ANGPTL5: variants seen among roughly 807,000 people sequenced by gnomAD.
The protein encoded by ANGPTL5 is angiopoietin-related protein 5.
ANGPTL5 carries 34 observed loss-of-function variants against 39.4 expected under a neutral mutation model. That is an observed-to-expected ratio of 0.86 (90% CI 0.66 to 1.15). The LOEUF (loss-of-function observed/expected upper bound fraction) is 1.15. Ranked by LOEUF, ANGPTL5 falls within the 50% of genes most tolerant of loss-of-function variation. The probability of loss-of-function intolerance (pLI) is 0.00; values close to 1 mark genes in which losing one functional copy is unlikely to be tolerated. For synonymous variants in ANGPTL5, 146 were observed against 152.1 expected (o/e 0.96, Z 0.29); for missense variants, 467 against 457.5 (o/e 1.02, Z -0.19).
At chr11:101,905,267 T>G (rs1939978386) in intron 4 of ANGPTL5, among the ~76,000 whole-genome samples, 1 of 152,184 alleles carries the variant, frequency 6.6e-6, no homozygotes, top group African/African-American at 2.4e-5. Context: ...AACACTACAG[T>G]GGCTCCTTGG....
chr11:101,901,554 A>G (rs527734267), intron 6 of ANGPTL5, among the ~76,000 whole-genome samples: 4 of 152,236 alleles, frequency 2.6e-5, no homozygotes, highest in South Asian at 2.1e-4. Context: ...TCCCTCAGAA[A>G]CTTCCCGCAT....
chr11:101,912,170 T>C (rs1448794215), intron 1 of ANGPTL5, among the ~76,000 whole-genome samples: 6 of 152,248 alleles, frequency 3.9e-5, no homozygotes, highest in Non-Finnish European at 7.3e-5. Context: ...TGGAAAGTGC[T>C]TGGCACATAG....
chr11:101,915,307 C>T, intron 1 of ANGPTL5: 1 of 1,613,640 alleles, frequency 6.2e-7, no homozygotes, highest in Non-Finnish European at 8.5e-7. Flanking sequence ...AGGCCCGGAA[C>T]CCGGAGCGCG....
At chr11:101,901,856 T>C (rs557408428) in intron 6 of ANGPTL5, among the ~76,000 whole-genome samples, 1 of 152,068 alleles carries the variant, frequency 6.6e-6, no homozygotes, top group South Asian at 2.1e-4. Context: ...TATTATCCAA[T>C]AAAGACTATC....
intron 1 of ANGPTL5, among the ~76,000 whole-genome samples, chr11:101,909,291 A>G (rs1320541424): frequency 6.6e-6 from 1 of 152,228 alleles, no homozygotes; most frequent in Non-Finnish European, 1.5e-5. Context: ...GTGAGACAGT[A>G]TGAGATGGTT....
rs1477874656 is a variant in ANGPTL5 at position 101,907,893 on chromosome 11, T to C, written c.17A>G (p.Gln6Arg). The change falls in exon 2 of 9, where the codon CAA (glutamine) becomes CGA (arginine). Residue 6 changes from glutamine to arginine, a missense_variant. Coordinates refer to ENST00000334289, the MANE Select transcript of ANGPTL5 (RefSeq NM_178127.5). The stretch of plus-strand genomic sequence containing the variant: ...TACATTTAAGAATAAGAGTGAGGCT[T>C]GGGATGGAGACATCATATTTTTCTT... Reference protein sequence around the residue: MMSPSQASLLFLNVCI... With the variant: MMSPSRASLLFLNVCI... 6.2e-7 allele frequency: 1 copy of C among 1,607,706 alleles called. No individual in the cohort carries two copies. Among genetic ancestry groups the C allele is most frequent in the Non-Finnish European group, 8.5e-7 (1 of 1,174,452 alleles).
chr11:101,897,779 C>T (rs1373085563), intron 7 of ANGPTL5, among the ~76,000 whole-genome samples: 2 of 152,124 alleles, frequency 1.3e-5, no homozygotes, highest in African/African-American at 2.4e-5. Flanking sequence ...AGTTTGAAGT[C>T]AGGTAGCATG....
At position 101,891,467 on chromosome 11, in the gene ANGPTL5, G is replaced by A. The variant is rs774206452; in HGVS notation, c.979C>T (p.Leu327Phe). 6.8e-6 allele frequency: 11 copies of A among 1,613,938 alleles called. No individual in the cohort carries two copies. The highest frequency in any genetic ancestry group is 9.3e-6 in the Non-Finnish European group (11 of 1,180,006). Residue 327 changes from leucine to phenylalanine, a missense_variant, in exon 9 of 9, where the codon CTC becomes TTC. By Grantham distance (22) the Leu-to-Phe change is conservative. Coordinates refer to ENST00000334289, the MANE Select transcript of ANGPTL5 (RefSeq NM_178127.5). ...NGQSVKSCSH[L>F]HNKTGWWFNE... ...AACCACCAGCCGGTCTTGTTATGGA[G>A]GTGACTGCAGCTCTTCACAGACTGA... is the stretch of plus-strand genomic sequence containing the variant.
intron 7 of ANGPTL5, among the ~76,000 whole-genome samples, chr11:101,897,261 T>C (rs1278461783): frequency 6.6e-6 from 1 of 152,242 alleles, no homozygotes; most frequent in Non-Finnish European, 1.5e-5. Flanking sequence ...ATTAGCCCTT[T>C]GCCAGAAGGA....
Position 101,905,841 on chromosome 11 carries a change from A to G in ANGPTL5, c.248T>C (p.Leu83Ser). ...TGTGTAGGAAACAATAGAATTTTGCAAATTTCCTTAACCATAATAAAAAGT... is the reference window on the plus strand; with the variant it reads ...TGTGTAGGAAACAATAGAATTTTGCGAATTTCCTTAACCATAATAAAAAGT... ...REEKHFMCRN[L>S]QNSIVSYTRS... Residue 83 changes from leucine to serine, a missense_variant, in exon 4 of 9, where the codon TTG becomes TCG. Leu to Ser is a moderately radical substitution (Grantham distance 145). Transcript: ENST00000334289. 6.3e-7 allele frequency: 1 copy of G among 1,575,098 alleles called. No individual in the cohort carries two copies. Among genetic ancestry groups the G allele is most frequent in the Admixed American group, 1.7e-5 (1 of 59,808 alleles).
At chr11:101,915,128 C>A (rs1266463754) in intron 1 of ANGPTL5, 6 of 1,128,166 alleles carry the variant, frequency 5.3e-6, no homozygotes, top group Non-Finnish European at 7.4e-6. Flanking sequence ...AGTGCCGCTG[C>A]GCGGGAGCTA....
chr11:101,915,526 C>T (rs1940190337), intron 1 of ANGPTL5: 1 of 1,322,124 alleles, frequency 7.6e-7, no homozygotes, highest in Non-Finnish European at 1.0e-6. Flanking sequence ...AGCAAGTCAT[C>T]TTAGTGCAGA....
chr11:101,894,356 G>A (rs1384653110), intron 8 of ANGPTL5, among the ~76,000 whole-genome samples: 4 of 152,134 alleles, frequency 2.6e-5, no homozygotes, highest in Non-Finnish European at 5.9e-5. Context: ...GTATTTTGAA[G>A]TTCTGACAAA....
chr11:101,896,817 C>T (rs1939805893), intron 7 of ANGPTL5, among the ~76,000 whole-genome samples: 1 of 152,156 alleles, frequency 6.6e-6, no homozygotes, highest in African/African-American at 2.4e-5. Flanking sequence ...AATACACGTA[C>T]ATGTACATGT....
intron 7 of ANGPTL5, among the ~76,000 whole-genome samples, chr11:101,896,577 A>G (rs1165783956): frequency 3.3e-5 from 5 of 151,362 alleles, no homozygotes; most frequent in African/African-American, 1.2e-4. Flanking sequence ...TCATTGTTCA[A>G]CTCCTACTTA....
Position 101,907,791 on chromosome 11 carries a change from T to C in ANGPTL5, c.96+23A>G, listed in dbSNP as rs760749002. ...AAGCTAATCATGCTTTCCTAGCTAA[T>C]ATAATATTGCTAAAATTCTTACCGT... On this transcript the variant is annotated intron_variant, in intron 2 of 8. Coordinates refer to ENST00000334289, the MANE Select transcript of ANGPTL5 (RefSeq NM_178127.5). The C allele has an allele frequency of 1.4e-5, 21 of 1,488,408 alleles. No homozygotes were observed. In the Admixed American group the frequency reaches 3.2e-4, roughly 23 times the overall value. 92.2% of individuals were successfully genotyped at this position (1,488,408 alleles called of 1,614,324 possible).
intron 2 of ANGPTL5, among the ~76,000 whole-genome samples, 185 bp from the exon 3 acceptor site, chr11:101,907,432 A>G (rs1464603672): frequency 6.6e-6 from 1 of 152,114 alleles, no homozygotes; most frequent in East Asian, 1.9e-4. Flanking sequence ...ATAAAATCAA[A>G]CGGACCAATT....
In ANGPTL5 at chr11:101,904,851, C is replaced by G; in HGVS notation, c.402G>C (p.Gln134His). 6.2e-7 allele frequency: 1 copy of G among 1,613,778 alleles called. No homozygotes were observed. Among genetic ancestry groups the G allele is most frequent in the South Asian group, 1.1e-5 (1 of 91,086 alleles). ...LLLTTEVFRK[Q>H]LDPFPHRPVQ... is the part of the protein sequence containing the mutation. ...CAGGTCTGTGAGGAAAAGGATCCAG[C>G]TGTTTTCTAAAAACTTCTGTAGTCA... The change falls in exon 5 of 9, where the codon CAG (glutamine) becomes CAC (histidine). Residue 134 changes from glutamine to histidine, a missense_variant. By Grantham distance (24) the Gln-to-His change is conservative (BLOSUM62 0). Transcript: ENST00000334289.
Position 101,916,176 on chromosome 11 carries a change from G to C in ANGPTL5, c.-250C>G, listed in dbSNP as rs1237075450. The C allele has an allele frequency of 1.3e-5, 2 of 152,244 alleles. No homozygotes were observed. Among genetic ancestry groups the C allele is most frequent in the Admixed American group, 6.5e-5 (1 of 15,292 alleles). The allele number at this position is 152,244 out of a possible 1,614,324, so 9.4% of individuals were successfully genotyped here. On this transcript the variant is annotated 5_prime_UTR_variant, in exon 1 of 9. Transcript: ENST00000334289. ...GGACTTGGTTGGCAATGATGGTGTT[G>C]TGTAATCATCTTCAGTCTTGTCAGA...
Sources: gnomAD v4.1 joint callset for allele counts (sites outside exome capture counted in the v4.1 genomes callset) on GRCh38, gnomAD v4.1.1 for gene constraint, MANE v1.5 for transcripts, NCBI Gene and HGNC (gene_info 2026-07-23, HGNC 2026-07-21) for gene names.